SLC24A1: variants seen among roughly 807,000 people sequenced by gnomAD.
The protein encoded by SLC24A1 is solute carrier family 24 member 1.
A neutral mutation model predicts 88.1 loss-of-function variants in SLC24A1; 52 were observed. The ratio of observed to expected loss-of-function variants is 0.59; its 90% CI spans 0.47 to 0.74. The LOEUF (loss-of-function observed/expected upper bound fraction) is 0.74, where lower values mean the gene tolerates loss of function less well. Ranked by LOEUF, SLC24A1 falls within the 30% of genes least tolerant of loss-of-function variation. The pLI, the probability that SLC24A1 is intolerant of heterozygous loss-of-function variation, is 0.00. For missense variants in SLC24A1, 1,173 were observed against 1,363.3 expected, an observed-to-expected ratio of 0.86 and a Z score of 2.20; for synonymous variants, 455 against 498.0, an observed-to-expected ratio of 0.91 and a Z score of 1.15.
In SLC24A1 at chr15:65,623,910, G is replaced by C. The variant is rs1485992748; in HGVS notation, c.-126-45G>C. The stretch of plus-strand genomic sequence containing the variant: ...CTATATGAGGGTGTTATGGATCCCA[G>C]ATCTCCTCTTAGTGGTAAATAATCT... On this transcript the variant is annotated intron_variant, in intron 1 of 9. Transcript: ENST00000261892. 9 of 560,944 alleles carry C rather than the reference G, an allele frequency of 1.6e-5. No individual in the cohort carries two copies. The Admixed American group carries it at 3.0e-4, about 19-fold the overall frequency. 34.7% of individuals were successfully genotyped at this position (560,944 alleles called of 1,614,324 possible).
Position 65,651,768 on chromosome 15 carries a change from AC to A in SLC24A1, c.2883+10del. 6.7e-7 allele frequency: 1 copy of A among 1,485,450 alleles called. No homozygotes were observed. The highest frequency in any genetic ancestry group is 1.7e-4 in the Middle Eastern group (1 of 5,824). The allele number at this position is 1,485,450 out of a possible 1,614,324, so 92.0% of individuals were successfully genotyped here. ...TGTGGTGGGCTCACCAGGTGAGTGA[AC>A]AGCAGGAACGAAATCCTCTACCAGC... On this transcript the variant is annotated intron_variant, in intron 8 of 9. Transcript: ENST00000261892.
rs1395240360 is a variant in SLC24A1 at position 65,655,290 on chromosome 15, A to G, written c.*1211A>G. The G allele has an allele frequency of 6.1e-6, 6 of 985,512 alleles. No homozygotes were observed. Among genetic ancestry groups the G allele is most frequent in the Non-Finnish European group, 7.2e-6 (6 of 830,064 alleles). The allele number at this position is 985,512 out of a possible 1,614,324, so 61.0% of individuals were successfully genotyped here. A position where few individuals can be genotyped will look rare whatever the true frequency, so the allele number is the denominator to read the frequency against. ...TCCAGTGGGACAATGCTATTTTTGTATGCCAACCTAGATAGGATTATAAAG... is the reference window on the plus strand; with the variant it reads ...TCCAGTGGGACAATGCTATTTTTGTGTGCCAACCTAGATAGGATTATAAAG... On this transcript the variant is annotated 3_prime_UTR_variant, in exon 10 of 10. Transcript: ENST00000261892.
At chr15:65,653,495 G>T in intron 9 of SLC24A1, among the ~76,000 whole-genome samples, 1 of 148,680 alleles carries the variant, frequency 6.7e-6, no homozygotes, top group African/African-American at 2.5e-5. Context: ...AAGTGTGCCT[G>T]TAATTCCAGC....
rs1209808714 is a variant in SLC24A1 at position 65,625,774 on chromosome 15, A to G, written c.1694A>G (p.Tyr565Cys). Reference sequence around the variant, plus strand: ...CCCTTATTCCGTGATGTCTCCTTCTACATCCTTGACCTGATAATGCTCATC... The same window carrying G: ...CCCTTATTCCGTGATGTCTCCTTCTGCATCCTTGACCTGATAATGCTCATC... ...WWPLFRDVSF[Y>C]ILDLIMLILF... Residue 565 changes from tyrosine (Y) to cysteine (C), a missense_variant, in exon 2 of 10, where the codon TAC becomes TGC. By Grantham distance (194) the Tyr-to-Cys change is radical. Transcript: ENST00000261892. 1.2e-6 allele frequency: 2 copies of G among 1,613,912 alleles called. No homozygotes were observed. The highest frequency in any genetic ancestry group is 1.7e-6 in the Non-Finnish European group (2 of 1,179,848).
At chr15:65,645,499 C>T in intron 5 of SLC24A1, 113 bp from the exon 6 acceptor site, 4 of 791,668 alleles carry the variant, frequency 5.1e-6, no homozygotes, top group Non-Finnish European at 8.6e-6. Flanking sequence ...CCAAATAAAC[C>T]TTCAGAAACC....
chr15:65,654,534 G>C lies in SLC24A1; in HGVS notation c.*455G>C. 1 of 1,182,004 alleles carries C rather than the reference G, an allele frequency of 8.5e-7. No individual in the cohort carries two copies. The highest frequency in any genetic ancestry group is 1.1e-6 in the Non-Finnish European group (1 of 942,112). The allele number at this position is 1,182,004 out of a possible 1,614,324, so 73.2% of individuals were successfully genotyped here. On this transcript the variant is annotated 3_prime_UTR_variant, in exon 10 of 10. Transcript: ENST00000261892. ...TGCCCCAAACACACGCTGCAATTTT[G>C]TCTCCTCCTTTTCTGTTCAAATTGT...
intron 6 of SLC24A1, among the ~76,000 whole-genome samples, chr15:65,648,065 C>T (rs1426514742): frequency 6.6e-6 from 1 of 152,152 alleles, no homozygotes; most frequent in Non-Finnish European, 1.5e-5. Flanking sequence ...TCGAGACCAT[C>T]CTGGCTAACA....
chr15:65,633,902 G>A (rs1309447919), intron 2 of SLC24A1, among the ~76,000 whole-genome samples: 1 of 152,080 alleles, frequency 6.6e-6, no homozygotes, highest in Non-Finnish European at 1.5e-5. Flanking sequence ...GAGGGGTGGC[G>A]AATGTGCTGG....
intron 2 of SLC24A1, among the ~76,000 whole-genome samples, chr15:65,634,057 G>C (rs1257954865): frequency 6.6e-6 from 1 of 152,186 alleles, no homozygotes. Context: ...AATTTGGGTA[G>C]ACTTCTGGGT....
At chr15:65,652,536 TG>T in intron 8 of SLC24A1, 105 bp from the exon 9 acceptor site, 1 of 987,852 alleles carries the variant, frequency 1.0e-6, no homozygotes, top group Non-Finnish European at 1.5e-6. Flanking sequence ...TGAGGGGGTG[TG>T]GCTGAGCTCC....
At chr15:65,640,976 A>G (rs8042752) in intron 4 of SLC24A1, among the ~76,000 whole-genome samples, 10,670 of 151,982 alleles carry the variant, frequency 0.07, 412 homozygotes, top group African/African-American at 0.12. Flanking sequence ...CGGGAGAGTC[A>G]CTTGAACCCG....
chr15:65,625,875 A>G lies in SLC24A1; in HGVS notation c.1795A>G (p.Thr599Ala). The change falls in exon 2 of 10, where the codon ACC becomes GCC. Residue 599 changes from threonine (T) to alanine (A), a missense_variant. Coordinates refer to ENST00000261892, the MANE Select transcript of SLC24A1 (RefSeq NM_004727.3). Reference sequence around the variant, plus strand: ...GCTGGCCTATGCCTTCTATGTGTTCACCATGAAGTGGAACAAGCATATCGA... The same window carrying G: ...GCTGGCCTATGCCTTCTATGTGTTCGCCATGAAGTGGAACAAGCATATCGA... ...LLLAYAFYVF[T>A]MKWNKHIEVW... is the part of the protein sequence containing the mutation. The G allele has an allele frequency of 6.2e-7, 1 of 1,613,968 alleles. No homozygotes were observed. Among genetic ancestry groups the G allele is most frequent in the African/African-American group, 1.3e-5 (1 of 75,032 alleles).
chr15:65,659,099 A>C (rs554364942), downstream of SLC24A1: 1 of 152,304 alleles, frequency 6.6e-6, no homozygotes, highest in African/African-American at 2.4e-5. Context: ...TTTAGAACAT[A>C]ATGGTAGGAC....
At chr15:65,646,895 A>G (rs1294524722) in intron 6 of SLC24A1, among the ~76,000 whole-genome samples, 1 of 152,224 alleles carries the variant, frequency 6.6e-6, no homozygotes, top group African/African-American at 2.4e-5. Context: ...TAGCTCAAGT[A>G]AAAAGGATTA....
chr15:65,651,911 T>A (rs1405396945), intron 8 of SLC24A1, 152 bp downstream of exon 8: 1 of 663,576 alleles, frequency 1.5e-6, no homozygotes, highest in Non-Finnish European at 2.8e-6. Context: ...AGACTTTTTA[T>A]TCCAGTGAAC....
At position 65,625,102 on chromosome 15, in the gene SLC24A1, C is replaced by T; in HGVS notation, c.1022C>T (p.Ala341Val). The change falls in exon 2 of 10, where the codon GCT (alanine) becomes GTT (valine). Residue 341 changes from alanine (A) to valine (V), a missense_variant. Ala to Val is a moderately conservative substitution (Grantham distance 64). Transcript: ENST00000261892. ...CCAGCAGAAACCAAAGCCTTCACTG[C>T]TGCCTGGAGTCTTAGGAATCCTTCA... ...SSPAETKAFT[A>V]AWSLRNPSPR... 1.2e-6 allele frequency: 2 copies of T among 1,613,646 alleles called. No individual in the cohort carries two copies. The highest frequency in any genetic ancestry group is 1.1e-5 in the South Asian group (1 of 91,088).
intron 2 of SLC24A1, among the ~76,000 whole-genome samples, chr15:65,631,210 A>C (rs1185612942): frequency 6.6e-6 from 1 of 152,192 alleles, no homozygotes; most frequent in African/African-American, 2.4e-5. Flanking sequence ...CCTAGTGCAT[A>C]TGATGGGATT....
downstream of SLC24A1, among the ~76,000 whole-genome samples, chr15:65,656,565 T>C (rs571718255): frequency 2.6e-5 from 4 of 152,362 alleles, no homozygotes; most frequent in East Asian, 3.9e-4. Context: ...AATGTCGAGA[T>C]AATATTGAGA....
intron 7 of SLC24A1, among the ~76,000 whole-genome samples, 153 bp downstream of exon 7, chr15:65,651,095 T>C (rs575521351): frequency 9.9e-5 from 15 of 152,168 alleles, no homozygotes; most frequent in African/African-American, 3.6e-4. Flanking sequence ...GACTGAAGCC[T>C]TGGAGGGGGA....
Sources: gnomAD v4.1 joint callset for allele counts (sites outside exome capture counted in the v4.1 genomes callset) on GRCh38, gnomAD v4.1.1 for gene constraint, MANE v1.5 for transcripts, NCBI Gene and HGNC (gene_info 2026-07-23, HGNC 2026-07-21) for gene names.